Variants in CDH19 observed in about 807,000 individuals in gnomAD.
The protein encoded by CDH19 is cadherin 19, also known as cadherin-19.
Under a neutral mutation model 64.2 loss-of-function variants are expected in CDH19, and 67 were observed. The observed-to-expected ratio is 1.04, with a 90% CI of 0.86 to 1.28. CDH19 has a LOEUF of 1.28. Among genes scored for constraint, CDH19 ranks in the 50% most tolerant of loss-of-function variants. CDH19 has a pLI of 0.00. For synonymous variants in CDH19, 346 were observed against 319.3 expected, an observed-to-expected ratio of 1.08 and a Z score of -0.89; for missense variants, 1,030 against 929.0, an observed-to-expected ratio of 1.11 and a Z score of -1.41.
At chr18:66,518,319 T>C (rs1985828733) in intron 9 of CDH19, among the ~76,000 whole-genome samples, 3 of 152,130 alleles carry the variant, frequency 2.0e-5, no homozygotes, top group Admixed American at 6.5e-5. Flanking sequence ...CTACAACCTC[T>C]TCCTCCCAGG....
At chr18:66,523,975 G>A (rs1211402384) in intron 9 of CDH19, among the ~76,000 whole-genome samples, 1 of 151,982 alleles carries the variant, frequency 6.6e-6, no homozygotes. Context: ...AGGTATTGAG[G>A]CATGAATGTG....
intron 1 of CDH19, among the ~76,000 whole-genome samples, chr18:66,576,376 T>C (rs1273384686): frequency 2.0e-5 from 3 of 151,398 alleles, no homozygotes; most frequent in Non-Finnish European, 4.4e-5. Context: ...AAAAGAAAGC[T>C]ACAATGGCCA....
intron 7 of CDH19, among the ~76,000 whole-genome samples, chr18:66,535,844 A>C (rs1428104126): frequency 8.2e-5 from 12 of 147,190 alleles, no homozygotes; most frequent in African/African-American, 2.7e-4. Flanking sequence ...ATTACATACA[A>C]TATATGTATG....
intron 1 of CDH19, among the ~76,000 whole-genome samples, chr18:66,600,805 T>G (rs761627533): frequency 6.6e-6 from 1 of 151,872 alleles, no homozygotes; most frequent in Non-Finnish European, 1.5e-5. Flanking sequence ...CAAATCCTCA[T>G]ATGCCTACAG....
In CDH19 at chr18:66,503,506, T is replaced by C. The variant is rs1985035523; in HGVS notation, c.*1306A>G. ...ACTGAAGTTTGAATCCAGTATTCCT[T>C]TAAGTTGTCTAAATAATTTTTAGTA... is the stretch of plus-strand genomic sequence containing the variant. On this transcript the variant is annotated 3_prime_UTR_variant, in exon 12 of 12. Coordinates refer to ENST00000262150, the MANE Select transcript of CDH19 (RefSeq NM_021153.4). The C allele has an allele frequency of 6.6e-6, 1 of 151,826 alleles. No individual in the cohort carries two copies. Among genetic ancestry groups the C allele is most frequent in the Non-Finnish European group, 1.5e-5 (1 of 67,824 alleles). 9.4% of individuals were successfully genotyped at this position (151,826 alleles called of 1,614,324 possible).
At chr18:66,573,203 G>A (rs1240712833) in intron 1 of CDH19, among the ~76,000 whole-genome samples, 1 of 151,552 alleles carries the variant, frequency 6.6e-6, no homozygotes, top group Non-Finnish European at 1.5e-5. Flanking sequence ...TTTATTTTAT[G>A]AAGAAAAATA....
In CDH19 at chr18:66,502,266, A is replaced by C. The variant is rs913699039; in HGVS notation, c.*2546T>G. Reference sequence around the variant, plus strand: ...GAACATATTTTAGACTACCAAAGAGATGAGCAATCGTGTCTGTGCTTTCCC... The same window carrying C: ...GAACATATTTTAGACTACCAAAGAGCTGAGCAATCGTGTCTGTGCTTTCCC... On this transcript the variant is annotated 3_prime_UTR_variant, in exon 12 of 12. Transcript: ENST00000262150. 1 of 152,054 alleles carries C rather than the reference A, an allele frequency of 6.6e-6. No individual in the cohort carries two copies. The highest frequency in any genetic ancestry group is 2.4e-5 in the African/African-American group (1 of 41,436). 9.4% of individuals were successfully genotyped at this position (152,054 alleles called of 1,614,324 possible). A position where few individuals can be genotyped will look rare whatever the true frequency, so the allele number is the denominator to read the frequency against.
rs1227634362 is a variant in CDH19, at chr18:66,501,925, T to A, written c.*2887A>T. The A allele has an allele frequency of 6.6e-6, 1 of 152,058 alleles. No individual in the cohort carries two copies. The highest frequency in any genetic ancestry group is 1.5e-5 in the Non-Finnish European group (1 of 67,998). The allele number at this position is 152,058 out of a possible 1,614,324, so 9.4% of individuals were successfully genotyped here. A position where few individuals can be genotyped will look rare whatever the true frequency, so the allele number is the denominator to read the frequency against. ...ACAACTAGCAGTTCGCTAGTCCTAATTTTCTTATTTTTACCATTAAAAATT... is the reference window on the plus strand; with the variant it reads ...ACAACTAGCAGTTCGCTAGTCCTAAATTTCTTATTTTTACCATTAAAAATT... On this transcript the variant is annotated 3_prime_UTR_variant, in exon 12 of 12. Coordinates refer to ENST00000262150, the MANE Select transcript of CDH19 (RefSeq NM_021153.4).
At chr18:66,528,520 AT>A (rs1355829823) in intron 9 of CDH19, among the ~76,000 whole-genome samples, 2 of 152,132 alleles carry the variant, frequency 1.3e-5, no homozygotes, top group East Asian at 1.9e-4. Context: ...TTTTAAAGTC[AT>A]TTGTATATTT....
rs1489452078 is a variant in CDH19, at chr18:66,509,163, C to T, written c.1660G>A (p.Asp554Asn). 6.8e-6 allele frequency: 11 copies of T among 1,612,706 alleles called. No individual in the cohort carries two copies. Among genetic ancestry groups the T allele is most frequent in the Admixed American group, 5.0e-5 (3 of 59,838 alleles). Reference protein sequence around the residue: ...PVFYISILIADNGIPSLTSTN... With the variant: ...PVFYISILIANNGIPSLTSTN... Reference sequence around the variant, plus strand: ...CTTGTAAGTGACGGGATTCCATTGTCGGCAATTAAGATGGAGATGTAGAAG... The same window carrying T: ...CTTGTAAGTGACGGGATTCCATTGTTGGCAATTAAGATGGAGATGTAGAAG... The change falls in exon 11 of 12, where the codon GAC becomes AAC. Residue 554 changes from aspartate to asparagine, a missense_variant. By Grantham distance (23) the Asp-to-Asn change is conservative (BLOSUM62 1). Coordinates refer to ENST00000262150, the MANE Select transcript of CDH19 (RefSeq NM_021153.4).
intron 5 of CDH19, among the ~76,000 whole-genome samples, chr18:66,550,551 G>T (rs563087300): frequency 6.6e-6 from 1 of 152,032 alleles, no homozygotes; most frequent in African/African-American, 2.4e-5. Context: ...ACTGGGTTCG[G>T]TCTAATTACA....
chr18:66,516,196 T>C (rs1414320041), intron 9 of CDH19, among the ~76,000 whole-genome samples: 1 of 151,884 alleles, frequency 6.6e-6, no homozygotes, highest in African/African-American at 2.4e-5. Flanking sequence ...GGGAATGACA[T>C]GATCATTACT....
chr18:66,595,715 C>T (rs1988868980), intron 1 of CDH19, among the ~76,000 whole-genome samples: 1 of 152,012 alleles, frequency 6.6e-6, no homozygotes, highest in Admixed American at 6.6e-5. Context: ...GACGAATTCA[C>T]AGCCAAATTA....
intron 7 of CDH19, among the ~76,000 whole-genome samples, chr18:66,535,805 T>C (rs536235174): frequency 5.6e-4 from 80 of 143,026 alleles, no homozygotes; most frequent in African/African-American, 2.0e-3. Context: ...CATATATATG[T>C]AATATATGAT....
intron 9 of CDH19, among the ~76,000 whole-genome samples, chr18:66,515,955 A>C (rs1268324190): frequency 1.3e-5 from 2 of 151,900 alleles, no homozygotes; most frequent in African/African-American, 4.8e-5. Context: ...GGTGAAGAAG[A>C]TCAAGCAGAA....
chr18:66,533,903 G>A (rs912403113), intron 8 of CDH19, among the ~76,000 whole-genome samples: 2 of 151,874 alleles, frequency 1.3e-5, no homozygotes, highest in Non-Finnish European at 2.9e-5. Context: ...AGCTTAAATG[G>A]TCAAGCCTAA....
intron 11 of CDH19, among the ~76,000 whole-genome samples, chr18:66,505,763 T>C (rs1295685787): frequency 2.6e-5 from 4 of 151,530 alleles, no homozygotes; most frequent in Non-Finnish European, 4.4e-5. Context: ...ATGTTCCCTA[T>C]TGAAGCAAAA....
chr18:66,535,157 C>G, intron 7 of CDH19, 50 bp from the exon 8 acceptor site: 2 of 1,187,998 alleles, frequency 1.7e-6, no homozygotes, highest in Non-Finnish European at 1.2e-6. Context: ...ATCTGCATAA[C>G]AGTGTTAGAT....
At chr18:66,527,116 T>G (rs1986253838) in intron 9 of CDH19, among the ~76,000 whole-genome samples, 1 of 151,220 alleles carries the variant, frequency 6.6e-6, no homozygotes, top group African/African-American at 2.4e-5. Context: ...ATTGAATGAA[T>G]TACAAATAAA....
Sources: allele counts gnomAD v4.1 joint callset (sites outside exome capture counted in the v4.1 genomes callset), GRCh38; gene constraint gnomAD v4.1.1; transcripts MANE v1.5; gene names NCBI Gene and HGNC (gene_info 2026-07-23, HGNC 2026-07-21).